Variants in MICU3 observed in about 807,000 individuals in gnomAD.
MICU3 encodes mitochondrial calcium uptake 3, also known as calcium uptake protein 3, mitochondrial.
MICU3 carries 62 observed loss-of-function variants against 66.5 expected under a neutral mutation model. The ratio of observed to expected loss-of-function variants is 0.93; its 90% confidence interval spans 0.76 to 1.15. MICU3 has a LOEUF of 1.15. MICU3 is among the 50% of genes most tolerant of loss of function. MICU3 has a pLI of 0.00. For missense variants in MICU3, 779 were observed against 664.4 expected (o/e 1.17, Z -1.90); for synonymous variants, 308 against 240.7 (o/e 1.28, Z -2.59).
intron 1 of MICU3, among the ~76,000 whole-genome samples, chr8:17,040,017 CT>C (rs776245228): frequency 5.7e-5 from 8 of 140,320 alleles, no homozygotes; most frequent in South Asian, 4.7e-4. Context: ...AAGTGATTCT[CT>C]TGCCTTAGCC....
At chr8:17,110,741 AG>A (rs200855745) in intron 11 of MICU3, among the ~76,000 whole-genome samples, 1,888 of 148,066 alleles carry the variant, frequency 0.013, 66 homozygotes, top group Admixed American at 0.07. Flanking sequence ...TTTTTTGGGG[AG>A]GGGGGGGTAG....
At chr8:17,061,974 G>T (rs1216318949) in intron 1 of MICU3, among the ~76,000 whole-genome samples, 1 of 152,122 alleles carries the variant, frequency 6.6e-6, no homozygotes, top group Non-Finnish European at 1.5e-5. Flanking sequence ...CTTGTCTTTG[G>T]TACCAGGTTG....
In MICU3 at chr8:17,077,801, G is replaced by A. The variant is rs767335819; in HGVS notation, c.586G>A (p.Ala196Thr). Residue 196 changes from alanine to threonine, a missense_variant, in exon 4 of 15, where the codon GCA (alanine) becomes ACA (threonine). Ala to Thr is a moderately conservative substitution (Grantham distance 58). Coordinates refer to ENST00000318063, the MANE Select transcript of MICU3 (RefSeq NM_181723.3). Reference protein sequence around the residue: ...LSKQELNQMLAETPPVWKGSS... With the variant: ...LSKQELNQMLTETPPVWKGSS... ...GTCATAGGAATTAAATCAAATGCTCGCAGAAACACCACCAGTTTGGAAAGG... is the reference window on the plus strand; with the variant it reads ...GTCATAGGAATTAAATCAAATGCTCACAGAAACACCACCAGTTTGGAAAGG... 29 of 1,610,568 alleles carry A rather than the reference G, an allele frequency of 1.8e-5. No homozygotes were observed. Among genetic ancestry groups the A allele is most frequent in the South Asian group, 6.6e-5 (6 of 90,676 alleles).
At chr8:17,058,920 A>T (rs577387788) in intron 1 of MICU3, among the ~76,000 whole-genome samples, 2 of 152,350 alleles carry the variant, frequency 1.3e-5, no homozygotes, top group African/African-American at 2.4e-5. Flanking sequence ...AGGTGTATGT[A>T]GGCAGAACAT....
At chr8:17,083,325 A>G (rs1304163040) in intron 5 of MICU3, among the ~76,000 whole-genome samples, 2 of 152,078 alleles carry the variant, frequency 1.3e-5, no homozygotes, top group Non-Finnish European at 2.9e-5. Flanking sequence ...CCCAGGAGCA[A>G]TTTAGGGAGG....
chr8:17,086,934 T>C (rs761019871), intron 6 of MICU3, 30 bp from the exon 7 acceptor site: 1 of 1,465,274 alleles, frequency 6.8e-7, no homozygotes, highest in South Asian at 1.1e-5. Context: ...TCTTGTTGGA[T>C]ATTTGATTCT....
intron 1 of MICU3, among the ~76,000 whole-genome samples, chr8:17,062,434 T>A (rs1238164696): frequency 2.6e-5 from 4 of 152,166 alleles, no homozygotes; most frequent in Non-Finnish European, 4.4e-5. Flanking sequence ...GAGCGAAACT[T>A]TTTTTCAGTT....
intron 1 of MICU3, among the ~76,000 whole-genome samples, chr8:17,063,734 A>G (rs1001003032): frequency 3.9e-5 from 6 of 152,198 alleles, no homozygotes; most frequent in African/African-American, 1.4e-4. Context: ...CATAGTAGGC[A>G]TTCAGCAAGC....
At chr8:17,091,514 A>C (rs1800054043) in intron 8 of MICU3, among the ~76,000 whole-genome samples, 1 of 152,106 alleles carries the variant, frequency 6.6e-6, no homozygotes, top group South Asian at 2.1e-4. Context: ...ATAGTTAATC[A>C]AAATTCCAAA....
In MICU3 at chr8:17,118,736, T is replaced by C; in HGVS notation, c.1554T>C (p.Thr518=). 1 of 1,612,786 alleles carries C rather than the reference T, an allele frequency of 6.2e-7. No homozygotes were observed. Among genetic ancestry groups the C allele is most frequent in the Non-Finnish European group, 8.5e-7 (1 of 1,179,026 alleles). Residue 518 remains threonine (T), a synonymous_variant, in exon 14 of 15, where the codon ACT becomes ACC. Coordinates refer to ENST00000318063, the MANE Select transcript of MICU3 (RefSeq NM_181723.3). ...RGYKTVQKYP[T]FKSCLKKELH... ...ATAAAACAGTCCAGAAGTACCCCAC[T>C]TTCAAATCCTGCCTGAAGAAAGAAC...
chr8:17,113,489 C>T (rs961882755), intron 11 of MICU3, among the ~76,000 whole-genome samples: 14 of 152,256 alleles, frequency 9.2e-5, no homozygotes, highest in South Asian at 6.2e-4. Flanking sequence ...TTACATTATC[C>T]CACACCAGCC....
In MICU3 at chr8:17,053,810, G is replaced by A. The variant is rs117333097; in HGVS notation, c.382-10274G>A. ...AGCTTTCTAGAGGTAGAAAGAAGAA[G>A]ATTCCCTAAACGTTTTTAGCAAATG... On this transcript the variant is annotated intron_variant, in intron 1 of 14. Coordinates refer to ENST00000318063, the MANE Select transcript of MICU3 (RefSeq NM_181723.3). 4.3e-3 allele frequency among the ~76,000 whole-genome samples: 657 copies of A among 152,290 alleles called. 3 individuals carry two copies. Among genetic ancestry groups the A allele is most frequent in the Non-Finnish European group, 7.0e-3 (478 of 68,008 alleles).
rs375139077 is a variant in MICU3, at chr8:17,094,139, G to A, written c.888+3555G>A. Among the ~76,000 whole-genome samples the A allele has an allele frequency of 1.2e-4, 18 of 151,928 alleles. No homozygotes were observed. The East Asian group carries it at 1.9e-3, about 16-fold the overall frequency. ...TAGTTTACCCCTTTTTGTACTTTAT[G>A]TAACTGGCATCATGTTATATGAATG... On this transcript the variant is annotated intron_variant, in intron 8 of 14. Transcript: ENST00000318063.
intron 11 of MICU3, among the ~76,000 whole-genome samples, chr8:17,108,768 G>A (rs926514982): frequency 2.0e-5 from 3 of 152,082 alleles, no homozygotes; most frequent in Admixed American, 6.6e-5. Context: ...AAATGTTTTT[G>A]ACTGTGATTT....
intron 11 of MICU3, among the ~76,000 whole-genome samples, chr8:17,108,468 C>A (rs3988342): frequency 0.39 from 59,557 of 151,908 alleles, 13,221 homozygotes; most frequent in African/African-American, 0.62. Context: ...CATTCCATAA[C>A]ACTTGTTCTG....
chr8:17,071,142 A>G, intron 3 of MICU3, among the ~76,000 whole-genome samples: 1 of 150,772 alleles, frequency 6.6e-6, no homozygotes, highest in Non-Finnish European at 1.5e-5. Flanking sequence ...GAACTACTGT[A>G]CAGTGCAAAT....
chr8:17,063,000 G>C (rs1388789253), intron 1 of MICU3, among the ~76,000 whole-genome samples: 1 of 152,028 alleles, frequency 6.6e-6, no homozygotes, highest in African/African-American at 2.4e-5. Context: ...GAATAACCAA[G>C]TAGAATTGTT....
intron 1 of MICU3, among the ~76,000 whole-genome samples, chr8:17,054,084 T>C (rs1041469870): frequency 4.6e-5 from 7 of 152,210 alleles, no homozygotes; most frequent in African/African-American, 9.6e-5. Context: ...AAAAATTCCG[T>C]TTCAGCAAAA....
intron 1 of MICU3, among the ~76,000 whole-genome samples, chr8:17,056,380 C>T (rs1816934487): frequency 6.6e-6 from 1 of 152,284 alleles, no homozygotes; most frequent in South Asian, 2.1e-4. Flanking sequence ...TGCTGCATCT[C>T]CCATACCTTT....
Sources: allele counts gnomAD v4.1 joint callset (sites outside exome capture counted in the v4.1 genomes callset), GRCh38; gene constraint gnomAD v4.1.1; transcripts MANE v1.5; gene names NCBI Gene and HGNC (gene_info 2026-07-23, HGNC 2026-07-21).